Variants in ADGRB3 observed in about 807,000 individuals in gnomAD.
ADGRB3 encodes adhesion G protein-coupled receptor B3, also known as brain-specific angiogenesis inhibitor 3.
ADGRB3 carries 37 observed loss-of-function variants against 193.4 expected under a neutral mutation model. The observed-to-expected ratio is 0.19, with a 90% confidence interval of 0.15 to 0.25. The LOEUF is 0.25. Ranked by LOEUF, ADGRB3 falls within the 10% of genes least tolerant of loss-of-function variation. The pLI, the probability that ADGRB3 is intolerant of heterozygous loss-of-function variation, is 1.00. For missense variants in ADGRB3, 1,637 were observed against 1,852.9 expected (o/e 0.88, Z 2.14); for synonymous variants, 690 against 644.2 (o/e 1.07, Z -1.08).
At chr6:69,143,824 C>A (rs961633773) in intron 17 of ADGRB3, among the ~76,000 whole-genome samples, 71 of 152,194 alleles carry the variant, frequency 4.7e-4, no homozygotes, top group Non-Finnish European at 7.8e-4. Flanking sequence ...GTGATTCCTC[C>A]AGTTTTATTC....
At chr6:69,006,040 G>A (rs1489840412) in intron 11 of ADGRB3, among the ~76,000 whole-genome samples, 1 of 152,074 alleles carries the variant, frequency 6.6e-6, no homozygotes, top group South Asian at 2.1e-4. Context: ...TGCTTGATTA[G>A]GAGTTATTTT....
At chr6:69,274,312 C>T (rs1029155173) in intron 20 of ADGRB3, among the ~76,000 whole-genome samples, 9 of 152,304 alleles carry the variant, frequency 5.9e-5, no homozygotes, top group South Asian at 2.1e-4. Flanking sequence ...AGGTCACAAA[C>T]AGCTAAACAT....
chr6:69,218,449 T>G (rs1765819659), intron 17 of ADGRB3, among the ~76,000 whole-genome samples: 1 of 152,162 alleles, frequency 6.6e-6, no homozygotes, highest in Admixed American at 6.5e-5. Context: ...AGAAGGTGCA[T>G]AAATGTGAAC....
chr6:69,115,480 A>T (rs968880739), intron 17 of ADGRB3, among the ~76,000 whole-genome samples: 21 of 152,226 alleles, frequency 1.4e-4, no homozygotes, highest in Non-Finnish European at 2.5e-4. Context: ...TAGCATTAAG[A>T]AAAATACCAA....
intron 11 of ADGRB3, among the ~76,000 whole-genome samples, chr6:69,001,811 A>T (rs1399736008): frequency 6.6e-6 from 1 of 152,200 alleles, no homozygotes; most frequent in Non-Finnish European, 1.5e-5. Context: ...TGTGGACCTA[A>T]CAGAAGATCA....
chr6:69,155,137 A>G lies in ADGRB3; in HGVS notation c.2481-78153A>G, dbSNP rs76259228. Among the ~76,000 whole-genome samples the G allele has an allele frequency of 6.9e-3, 1,052 of 152,340 alleles. 7 individuals carry two copies. The highest frequency in any genetic ancestry group is 0.013 in the Non-Finnish European group (874 of 68,032). On this transcript the variant is annotated intron_variant, in intron 17 of 31. Transcript: ENST00000370598. ...TGGACTTGAGAGCTAATTCTCATAC[A>G]GCTATTAACCTAAGGTGACAAATTG...
intron 13 of ADGRB3, among the ~76,000 whole-genome samples, chr6:69,031,116 C>CT (rs58370570): frequency 0.16 from 7,753 of 49,354 alleles, 2,061 homozygotes; most frequent in African/African-American, 0.2. Context: ...CTTCTCTTCT[C>CT]TCTCTTCTCT....
intron 10 of ADGRB3, among the ~76,000 whole-genome samples, chr6:68,982,211 G>A (rs191834341): frequency 9.9e-5 from 15 of 151,910 alleles, no homozygotes; most frequent in African/African-American, 2.4e-4. Context: ...TTTGTCTGTC[G>A]TATCTCCTGG....
At chr6:69,128,707 A>G (rs979334005) in intron 17 of ADGRB3, among the ~76,000 whole-genome samples, 1 of 152,168 alleles carries the variant, frequency 6.6e-6, no homozygotes, top group Non-Finnish European at 1.5e-5. Flanking sequence ...CTTTTTCAAA[A>G]TGTAGGTTTA....
chr6:69,068,618 T>C (rs1771980665), intron 16 of ADGRB3, among the ~76,000 whole-genome samples: 1 of 152,190 alleles, frequency 6.6e-6, no homozygotes, highest in African/African-American at 2.4e-5. Context: ...ATGATGGTTC[T>C]GCTTTTTACT....
intron 20 of ADGRB3, among the ~76,000 whole-genome samples, chr6:69,261,118 A>C (rs1766915659): frequency 6.6e-6 from 1 of 152,200 alleles, no homozygotes; most frequent in Non-Finnish European, 1.5e-5. Flanking sequence ...TATTGAATAG[A>C]AAATTGTCAC....
Position 68,699,902 on chromosome 6 carries a change from A to G in ADGRB3, c.757+60470A>G, listed in dbSNP as rs73461990. Among the ~76,000 whole-genome samples the G allele has an allele frequency of 4.2e-3, 644 of 152,178 alleles. 4 individuals carry two copies. Among genetic ancestry groups the G allele is most frequent in the Admixed American group, 9.9e-3 (151 of 15,262 alleles). ...AAGCAAAGGGCAGTCGTCCACACTG[A>G]TATTTCTCAGGTACCTCCTATTTTC... On this transcript the variant is annotated intron_variant, in intron 3 of 31. Coordinates refer to ENST00000370598, the MANE Select transcript of ADGRB3 (RefSeq NM_001704.3).
At chr6:69,344,036 C>T (rs1201009088) in intron 26 of ADGRB3, among the ~76,000 whole-genome samples, 1 of 152,170 alleles carries the variant, frequency 6.6e-6, no homozygotes, top group Non-Finnish European at 1.5e-5. Context: ...CCTGCACATT[C>T]TTCTCATCTT....
intron 3 of ADGRB3, among the ~76,000 whole-genome samples, chr6:68,873,239 A>G (rs1366635006): frequency 6.6e-6 from 1 of 152,140 alleles, no homozygotes; most frequent in Non-Finnish European, 1.5e-5. Flanking sequence ...AATATGATAA[A>G]CATGCTAGCA....
chr6:69,051,983 C>A (rs983737810), intron 15 of ADGRB3, among the ~76,000 whole-genome samples: 3 of 152,140 alleles, frequency 2.0e-5, no homozygotes, highest in Non-Finnish European at 4.4e-5. Context: ...CAAGATCTCC[C>A]GGGTTCACAC....
intron 3 of ADGRB3, among the ~76,000 whole-genome samples, chr6:68,732,415 A>G (rs1765791133): frequency 6.6e-6 from 1 of 151,938 alleles, no homozygotes; most frequent in Non-Finnish European, 1.5e-5. Context: ...ACACTGAACT[A>G]TTTATAAAGG....
intron 3 of ADGRB3, among the ~76,000 whole-genome samples, chr6:68,857,563 G>T (rs1200077062): frequency 6.6e-6 from 1 of 152,194 alleles, no homozygotes; most frequent in African/African-American, 2.4e-5. Flanking sequence ...CATTTGGAAT[G>T]GCTGCATTTA....
At chr6:68,767,814 C>T (rs9342732) in intron 3 of ADGRB3, among the ~76,000 whole-genome samples, 1,982 of 152,266 alleles carry the variant, frequency 0.013, 80 homozygotes, top group East Asian at 0.12. Context: ...CCCAAGTCTC[C>T]TTAAGCTGAT....
chr6:69,343,710 A>G (rs1295610820), intron 26 of ADGRB3, among the ~76,000 whole-genome samples: 2 of 152,146 alleles, frequency 1.3e-5, no homozygotes. Context: ...TCTCTGGAGA[A>G]AAAAACAAAA....
Sources: gnomAD v4.1 joint callset for allele counts (sites outside exome capture counted in the v4.1 genomes callset) on GRCh38, gnomAD v4.1.1 for gene constraint, MANE v1.5 for transcripts, NCBI Gene and HGNC (gene_info 2026-07-23, HGNC 2026-07-21) for gene names.